The following SETBP1 variants were observed in gnomAD, a reference collection of about 807,000 sequenced individuals.
The protein encoded by SETBP1 is SET binding protein 1, also known as SET-binding protein.
Under a neutral mutation model 101.0 loss-of-function variants are expected in SETBP1, and 9 were observed. The ratio of observed to expected loss-of-function variants is 0.09; its 90% confidence interval spans 0.05 to 0.16. SETBP1 has a LOEUF of 0.16. Ranked by LOEUF, SETBP1 falls within the 10% of genes least tolerant of loss-of-function variation. The probability of loss-of-function intolerance (pLI) is 1.00; values close to 1 mark genes in which losing one functional copy is unlikely to be tolerated. For synonymous variants in SETBP1, 818 were observed against 788.5 expected, an observed-to-expected ratio of 1.04 and a Z score of -0.63; for missense variants, 1,858 against 2,033.8, an observed-to-expected ratio of 0.91 and a Z score of 1.66.
chr18:45,017,661 C>A (rs572652700), intron 4 of SETBP1, among the ~76,000 whole-genome samples: 1 of 152,332 alleles, frequency 6.6e-6, no homozygotes, highest in South Asian at 2.1e-4. Flanking sequence ...TAATTTGTTT[C>A]TTTTAAAGTG....
chr18:44,914,342 C>G (rs1383438901), intron 3 of SETBP1, among the ~76,000 whole-genome samples: 1 of 152,220 alleles, frequency 6.6e-6, no homozygotes, highest in African/African-American at 2.4e-5. Context: ...AGGAAATACT[C>G]TACTGTTAGG....
At chr18:45,028,708 T>C (rs1201527515) in intron 4 of SETBP1, among the ~76,000 whole-genome samples, 3 of 152,216 alleles carry the variant, frequency 2.0e-5, no homozygotes, top group East Asian at 3.8e-4. Context: ...CCATTCTAAC[T>C]GTTGTGAGAT....
chr18:44,905,813 C>G (rs1245122296), intron 3 of SETBP1, among the ~76,000 whole-genome samples: 1 of 152,184 alleles, frequency 6.6e-6, no homozygotes, highest in Non-Finnish European at 1.5e-5. Flanking sequence ...AATTAATTGA[C>G]TGGGAGAACT....
chr18:44,918,956 T>C (rs748770993), intron 3 of SETBP1, among the ~76,000 whole-genome samples: 5 of 152,190 alleles, frequency 3.3e-5, no homozygotes, highest in Non-Finnish European at 7.3e-5. Flanking sequence ...TTAATATCTA[T>C]AGCAGTCCCA....
At chr18:44,698,100 T>C (rs1162472232) in intron 1 of SETBP1, among the ~76,000 whole-genome samples, 4 of 152,344 alleles carry the variant, frequency 2.6e-5, no homozygotes, top group East Asian at 3.9e-4. Flanking sequence ...AAGTCTGGAA[T>C]AGATGAATTC....
At chr18:45,029,500 T>G (rs1451862423) in intron 4 of SETBP1, among the ~76,000 whole-genome samples, 1 of 152,208 alleles carries the variant, frequency 6.6e-6, no homozygotes, top group Non-Finnish European at 1.5e-5. Flanking sequence ...TGCAAGCTCT[T>G]TTTTGATTCT....
chr18:45,044,584 T>C (rs1274296494), intron 5 of SETBP1, among the ~76,000 whole-genome samples: 1 of 152,124 alleles, frequency 6.6e-6, no homozygotes, highest in Admixed American at 6.5e-5. Context: ...CTGAACCTCC[T>C]AGAGCAGCTG....
At chr18:45,032,601 G>A (rs1182745255) in intron 4 of SETBP1, among the ~76,000 whole-genome samples, 2 of 152,108 alleles carry the variant, frequency 1.3e-5, no homozygotes, top group African/African-American at 2.4e-5. Flanking sequence ...CTCTGATTAC[G>A]CAGGTTGTTT....
intron 2 of SETBP1, among the ~76,000 whole-genome samples, chr18:44,727,497 G>A (rs1007512262): frequency 8.5e-5 from 13 of 152,286 alleles, no homozygotes; most frequent in African/African-American, 2.4e-4. Flanking sequence ...TGGGGGGATG[G>A]ACAGTAGGTG....
intron 2 of SETBP1, among the ~76,000 whole-genome samples, chr18:44,705,524 T>C (rs780910462): frequency 2.2e-4 from 33 of 152,192 alleles, no homozygotes; most frequent in Non-Finnish European, 4.4e-4. Context: ...AGGTGTTATA[T>C]TATGTGCTGC....
At chr18:44,717,451 G>A (rs2069491214) in intron 2 of SETBP1, among the ~76,000 whole-genome samples, 1 of 152,200 alleles carries the variant, frequency 6.6e-6, no homozygotes, top group Non-Finnish European at 1.5e-5. Context: ...GATTTAGGAT[G>A]CTCAAGCACA....
chr18:44,925,137 T>A (rs1599328946), intron 3 of SETBP1, among the ~76,000 whole-genome samples: 1 of 151,000 alleles, frequency 6.6e-6, no homozygotes, highest in South Asian at 2.1e-4. Context: ...GCGCTCAAGC[T>A]GTTGGGTACA....
chr18:44,937,285 T>C (rs1184049485), intron 3 of SETBP1, among the ~76,000 whole-genome samples: 7 of 151,080 alleles, frequency 4.6e-5, no homozygotes, highest in Non-Finnish European at 7.4e-5. Flanking sequence ...ACCCCGTCTC[T>C]ACTAAAAATA....
At chr18:44,958,630 C>G (rs1304107523) in intron 4 of SETBP1, among the ~76,000 whole-genome samples, 1 of 151,944 alleles carries the variant, frequency 6.6e-6, no homozygotes, top group Non-Finnish European at 1.5e-5. Context: ...GACTGGGAAG[C>G]TTCACATCAA....
intron 2 of SETBP1, among the ~76,000 whole-genome samples, chr18:44,805,599 T>A (rs929974332): frequency 6.6e-6 from 1 of 152,226 alleles, no homozygotes; most frequent in Non-Finnish European, 1.5e-5. Context: ...TCTGTTGTCC[T>A]GGTAACTTCA....
chr18:45,011,767 G>A (rs1483032981), intron 4 of SETBP1, among the ~76,000 whole-genome samples: 17 of 152,190 alleles, frequency 1.1e-4, no homozygotes, highest in Non-Finnish European at 1.5e-5. Flanking sequence ...AGACCACCTA[G>A]TTCTGAATGC....
chr18:44,754,762 TC>T (rs1286944179), intron 2 of SETBP1, among the ~76,000 whole-genome samples: 2 of 152,226 alleles, frequency 1.3e-5, no homozygotes, highest in African/African-American at 4.8e-5. Context: ...TCTCTTTGGC[TC>T]TCTGTCTACT....
At chr18:44,801,424 T>C (rs1203515821) in intron 2 of SETBP1, among the ~76,000 whole-genome samples, 2 of 152,172 alleles carry the variant, frequency 1.3e-5, no homozygotes, top group Non-Finnish European at 2.9e-5. Flanking sequence ...GTTTGGGATC[T>C]GTTTCGAGGT....
intron 2 of SETBP1, among the ~76,000 whole-genome samples, chr18:44,826,743 G>C (rs1239405946): frequency 6.6e-6 from 1 of 152,182 alleles, no homozygotes; most frequent in Non-Finnish European, 1.5e-5. Context: ...AATTGGGAGA[G>C]GGGAAGGAGC....
Sources: allele counts gnomAD v4.1 joint callset (sites outside exome capture counted in the v4.1 genomes callset), GRCh38; gene constraint gnomAD v4.1.1; transcripts MANE v1.5; gene names NCBI Gene and HGNC (gene_info 2026-07-23, HGNC 2026-07-21).